FBN2: variants seen among roughly 807,000 people sequenced by gnomAD.
FBN2 encodes the protein fibrillin 2.
In FBN2, 105 loss-of-function variants were observed where a neutral mutation model predicts 355.6. The observed-to-expected ratio is 0.30, with a 90% CI of 0.25 to 0.35. The LOEUF is 0.35. FBN2 is among the 10% of genes least tolerant of loss of function. FBN2 has a pLI of 1.00. For synonymous variants in FBN2, 1,350 were observed against 1,301.2 expected (o/e 1.04, Z -0.81); for missense variants, 3,280 against 3,758.7 (o/e 0.87, Z 3.33).
At position 128,537,980 on chromosome 5, in the gene FBN2, A is replaced by C; in HGVS notation, c.-377T>G. On this transcript the variant is annotated 5_prime_UTR_variant, in exon 1 of 65. Transcript: ENST00000262464. ...TTCAAAAAATGTGAACCTCAAAAGA[A>C]AAAAGGGCCTGCACGCAGAGCTCGG... 3.5e-6 allele frequency: 1 copy of C among 286,198 alleles called. No individual in the cohort carries two copies. The highest frequency in any genetic ancestry group is 6.5e-6 in the Non-Finnish European group (1 of 153,456). 17.7% of individuals were successfully genotyped at this position (286,198 alleles called of 1,614,324 possible). A position where few individuals can be genotyped will look rare whatever the true frequency, so the allele number is the denominator to read the frequency against.
rs190238326 is a variant in FBN2, at chr5:128,360,068, T to G, written c.2554+1655A>C. Among the ~76,000 whole-genome samples, 3 of 152,234 alleles carry G rather than the reference T, an allele frequency of 2.0e-5. No individual in the cohort carries two copies. The East Asian group carries it at 5.8e-4, about 29-fold the overall frequency. On this transcript the variant is annotated intron_variant, in intron 19 of 64. Coordinates refer to ENST00000262464, the MANE Select transcript of FBN2 (RefSeq NM_001999.4). ...GATGACGTCCTACCCTGCTCTTGCT[T>G]TCTAAGTTTCCTGAGATTTAACGGA...
intron 8 of FBN2, 122 bp from the exon 9 acceptor site, chr5:128,395,396 C>A (rs780185898): frequency 7.6e-5 from 78 of 1,019,780 alleles, no homozygotes; most frequent in Non-Finnish European, 1.1e-4. Context: ...GTTATCTATT[C>A]CTTTCTTCAC....
At chr5:128,347,165 G>T (rs1313671384) in intron 23 of FBN2, among the ~76,000 whole-genome samples, 1 of 152,152 alleles carries the variant, frequency 6.6e-6, no homozygotes, top group East Asian at 1.9e-4. Flanking sequence ...GAAGAAACCT[G>T]CTCAAGAAGC....
chr5:128,309,302 A>G lies in FBN2; in HGVS notation c.5298T>C (p.Tyr1766=), dbSNP rs910502255. The G allele has an allele frequency of 1.2e-6, 2 of 1,614,090 alleles. No homozygotes were observed. The highest frequency in any genetic ancestry group is 1.1e-5 in the South Asian group (1 of 91,088). ...NVTKRMCCCT[Y]NVGKAWNKPC... ...GTTTGTTCCAGGCTTTGCCCACATT[A>G]TATGTGCAGCAGCACATCCTTTTTG... is the stretch of plus-strand genomic sequence containing the variant. Residue 1766 remains tyrosine (Y), a synonymous_variant, in exon 41 of 65, where the codon TAT becomes TAC. Coordinates refer to ENST00000262464, the MANE Select transcript of FBN2 (RefSeq NM_001999.4).
chr5:128,284,428 T>C (rs961416595), intron 55 of FBN2, among the ~76,000 whole-genome samples: 9 of 152,182 alleles, frequency 5.9e-5, no homozygotes, highest in African/African-American at 2.2e-4. Flanking sequence ...TTCTTTTCCA[T>C]GGTATTTGCC....
intron 61 of FBN2, among the ~76,000 whole-genome samples, 163 bp downstream of exon 61, chr5:128,273,677 C>T (rs570269370): frequency 3.5e-4 from 53 of 152,180 alleles, no homozygotes; most frequent in Non-Finnish European, 7.2e-4. Context: ...CCTCTGTCCC[C>T]AAAGTGATAC....
rs113115206 is a variant in FBN2 at position 128,337,536 on chromosome 5, G to A, written c.3598+461C>T. ...TTTCTGGCAGCCCTACAGAGCTCAGGGCAAATGAGGAAACCCAGTGTTTCC... is the reference window on the plus strand; with the variant it reads ...TTTCTGGCAGCCCTACAGAGCTCAGAGCAAATGAGGAAACCCAGTGTTTCC... On this transcript the variant is annotated intron_variant, in intron 27 of 64. Coordinates refer to ENST00000262464, the MANE Select transcript of FBN2 (RefSeq NM_001999.4). Among the ~76,000 whole-genome samples the A allele has an allele frequency of 9.2e-5, 14 of 152,304 alleles. 1 individual carries two copies. Among genetic ancestry groups the A allele is most frequent in the African/African-American group, 3.4e-4 (14 of 41,558 alleles).
Position 128,333,053 on chromosome 5 carries a change from T to A in FBN2, c.4100-19A>T, listed in dbSNP as rs200803675. The A allele has an allele frequency of 6.2e-6, 10 of 1,605,718 alleles. No individual in the cohort carries two copies. Among genetic ancestry groups the A allele is most frequent in the South Asian group, 1.1e-5 (1 of 90,874 alleles). On this transcript the variant is annotated intron_variant, in intron 31 of 64. Transcript: ENST00000262464. ...TCCACATCTGATAAACCATAATTCA[T>A]AAGAAGAAAATCAAAATACAAACTA...
chr5:128,368,453 T>C (rs1199619007), intron 16 of FBN2, among the ~76,000 whole-genome samples: 1 of 128,016 alleles, frequency 7.8e-6, no homozygotes, highest in Non-Finnish European at 1.7e-5. Context: ...TACATATATA[T>C]ACACATATAT....
intron 3 of FBN2, among the ~76,000 whole-genome samples, chr5:128,528,996 C>A (rs1166689160): frequency 6.6e-6 from 1 of 152,214 alleles, no homozygotes; most frequent in African/African-American, 2.4e-5. Context: ...GCAGCAGTTA[C>A]TTAAGCACTG....
chr5:128,392,344 T>C (rs1752538580), intron 10 of FBN2, among the ~76,000 whole-genome samples, 189 bp from the exon 11 acceptor site: 1 of 152,224 alleles, frequency 6.6e-6, no homozygotes, highest in African/African-American at 2.4e-5. Context: ...GCAACTTGTA[T>C]CTGTTAAGTT....
Position 128,291,668 on chromosome 5 carries a change from G to T in FBN2, c.6167-14C>A. Reference sequence around the variant, plus strand: ...ATTCATTTATATCTGCAGAACAGGGGGAGTATTTATTAGCCATTCAACACT... The same window carrying T: ...ATTCATTTATATCTGCAGAACAGGGTGAGTATTTATTAGCCATTCAACACT... On this transcript the variant is annotated splice_polypyrimidine_tract_variant and intron_variant, in intron 48 of 64. Transcript: ENST00000262464. 6.2e-7 allele frequency: 1 copy of T among 1,612,212 alleles called. No homozygotes were observed. Among genetic ancestry groups the T allele is most frequent in the South Asian group, 1.1e-5 (1 of 90,912 alleles).
intron 9 of FBN2, among the ~76,000 whole-genome samples, chr5:128,394,105 G>A (rs985008098): frequency 1.3e-5 from 2 of 152,114 alleles, no homozygotes; most frequent in East Asian, 3.8e-4. Flanking sequence ...TTATGACTTA[G>A]AGATTTTGTA....
intron 8 of FBN2, among the ~76,000 whole-genome samples, chr5:128,405,692 T>C (rs1006900950): frequency 5.3e-5 from 8 of 152,200 alleles, no homozygotes; most frequent in Non-Finnish European, 8.8e-5. Context: ...CGCTGAAACT[T>C]GTTTTGGCAA....
chr5:128,334,578 A>T, intron 31 of FBN2, 141 bp downstream of exon 31: 1 of 912,016 alleles, frequency 1.1e-6, no homozygotes, highest in Non-Finnish European at 1.8e-6. Context: ...CACATCCTAT[A>T]GGTCACACAC....
At chr5:128,504,294 A>T (rs1199896897) in intron 5 of FBN2, among the ~76,000 whole-genome samples, 2 of 152,136 alleles carry the variant, frequency 1.3e-5, no homozygotes, top group Admixed American at 6.5e-5. Context: ...CCCCACTGGG[A>T]CACTGTCTAG....
chr5:128,370,560 T>C (rs550914983), intron 15 of FBN2, among the ~76,000 whole-genome samples: 3 of 152,272 alleles, frequency 2.0e-5, no homozygotes, highest in Non-Finnish European at 4.4e-5. Flanking sequence ...TGGCAGTGTA[T>C]CTTCTGAGTT....
At chr5:128,376,708 T>C (rs984101335) in intron 14 of FBN2, 23 bp downstream of exon 14, 1 of 1,613,376 alleles carries the variant, frequency 6.2e-7, no homozygotes, top group South Asian at 1.1e-5. Flanking sequence ...ATGGTCACTT[T>C]CCTATCTGAA....
rs1212465206 is a variant in FBN2, at chr5:128,361,858, A to G, written c.2429-10T>C. The G allele has an allele frequency of 6.2e-7, 1 of 1,613,764 alleles. No homozygotes were observed. On this transcript the variant is annotated splice_polypyrimidine_tract_variant and intron_variant, in intron 18 of 64. Coordinates refer to ENST00000262464, the MANE Select transcript of FBN2 (RefSeq NM_001999.4). The stretch of plus-strand genomic sequence containing the variant: ...AAACATTCATCAATGTCTGAAAGCA[A>G]CGATTGAAAGATAGGAGATACACAT...
Sources: allele counts gnomAD v4.1 joint callset (sites outside exome capture counted in the v4.1 genomes callset), GRCh38; gene constraint gnomAD v4.1.1; transcripts MANE v1.5; gene names NCBI Gene and HGNC (gene_info 2026-07-23, HGNC 2026-07-21).